Variants in TRDN observed in about 807,000 individuals in gnomAD.
The protein encoded by TRDN is triadin.
Under a neutral mutation model 149.7 loss-of-function variants are expected in TRDN, and 161 were observed. That is an observed-to-expected ratio of 1.08 (90% CI 0.95 to 1.23). The LOEUF is 1.23. TRDN is among the 50% of genes most tolerant of loss of function. The pLI is 0.00. For synonymous variants in TRDN, 294 were observed against 250.5 expected (o/e 1.17, Z -1.64); for missense variants, 896 against 823.5 (o/e 1.09, Z -1.08).
At chr6:123,393,543 T>C in intron 13 of TRDN, 81 bp downstream of exon 13, 1 of 1,325,070 alleles carries the variant, frequency 7.5e-7, no homozygotes, top group Non-Finnish European at 1.0e-6. Context: ...TATTCTGCAA[T>C]AAACAGCTTT....
chr6:123,516,159 C>T lies in TRDN; in HGVS notation c.532G>A (p.Glu178Lys), dbSNP rs1779401589. 6.7e-7 allele frequency: 1 copy of T among 1,490,972 alleles called. No homozygotes were observed. 92.4% of individuals were successfully genotyped at this position (1,490,972 alleles called of 1,614,324 possible). Residue 178 changes from glutamate (E) to lysine (K), a missense_variant, in exon 6 of 41, where the codon GAA becomes AAA. By Grantham distance (56) the Glu-to-Lys change is moderately conservative. Transcript: ENST00000334268. ...EKGKEKVREK[E>K]KPEKKATHKE... ...TTCATACCTTTCTTTTCAGGTTTTT[C>T]TTTTTCTCTTACTTTTTCTTTTCCT... is the stretch of plus-strand genomic sequence containing the variant.
Position 123,592,926 on chromosome 6 carries a change from ACTTT to A in TRDN, c.23-21798_23-21795del, listed in dbSNP as rs566825507. On this transcript the variant is annotated intron_variant, in intron 1 of 40. Coordinates refer to ENST00000334268, the MANE Select transcript of TRDN (RefSeq NM_006073.4). ...ATCATTTTTTTCTTGCATAAAAATC[ACTTT>A]CTTTTTTAATCTGATAACAACAGGG... Among the ~76,000 whole-genome samples, 322 of 152,286 alleles carry A rather than the reference ACTTT, an allele frequency of 2.1e-3. 3 individuals are homozygous for A. The highest frequency in any genetic ancestry group is 7.6e-3 in the African/African-American group (315 of 41,584).
chr6:123,517,118 T>G (rs1300181393), intron 5 of TRDN, among the ~76,000 whole-genome samples: 2 of 152,136 alleles, frequency 1.3e-5, no homozygotes, highest in African/African-American at 4.8e-5. Context: ...GGTGGGTAAC[T>G]GCAGGGAGTC....
chr6:123,366,554 G>T (rs1417412222), intron 19 of TRDN, among the ~76,000 whole-genome samples: 1 of 151,796 alleles, frequency 6.6e-6, no homozygotes, highest in African/African-American at 2.4e-5. Flanking sequence ...ATTGGCTCTT[G>T]TTGCCCAGGC....
At chr6:123,564,453 A>G (rs573359324) in intron 2 of TRDN, among the ~76,000 whole-genome samples, 9 of 152,260 alleles carry the variant, frequency 5.9e-5, no homozygotes, top group South Asian at 4.1e-4. Flanking sequence ...GTACTTTCTG[A>G]CTGACTTTGG....
intron 8 of TRDN, among the ~76,000 whole-genome samples, chr6:123,499,719 A>AAT (rs71272328): frequency 0.01 from 490 of 47,594 alleles, 64 homozygotes; most frequent in African/African-American, 0.017. Flanking sequence ...AAAAAAAAAA[A>AAT]ATATATATAT....
chr6:123,431,426 T>C (rs1774338839), intron 12 of TRDN, among the ~76,000 whole-genome samples: 1 of 152,178 alleles, frequency 6.6e-6, no homozygotes, highest in Non-Finnish European at 1.5e-5. Context: ...AACTCCTGGA[T>C]TACTATCAAA....
intron 33 of TRDN, among the ~76,000 whole-genome samples, chr6:123,262,757 A>C (rs760306824): frequency 6.6e-6 from 1 of 151,926 alleles, no homozygotes; most frequent in Non-Finnish European, 1.5e-5. Context: ...TTTCATTATT[A>C]TTACATCTGT....
intron 7 of TRDN, among the ~76,000 whole-genome samples, chr6:123,511,641 C>G (rs188020679): frequency 6.6e-6 from 1 of 151,984 alleles, no homozygotes; most frequent in Non-Finnish European, 1.5e-5. Flanking sequence ...TAAAATAACA[C>G]CCATTTATTA....
intron 20 of TRDN, among the ~76,000 whole-genome samples, chr6:123,358,484 T>A (rs1379190761): frequency 2.0e-5 from 3 of 152,016 alleles, no homozygotes; most frequent in Admixed American, 6.6e-5. Context: ...TTTTTTTTTT[T>A]ATGGAGTTTT....
chr6:123,284,098 T>C (rs886441050), intron 24 of TRDN, among the ~76,000 whole-genome samples: 15 of 109,452 alleles, frequency 1.4e-4, no homozygotes, highest in African/African-American at 5.3e-4. Flanking sequence ...CCCCCAAAAA[T>C]TGGTACCAAT....
At chr6:123,346,091 C>T (rs1780236485) in intron 21 of TRDN, among the ~76,000 whole-genome samples, 1 of 152,044 alleles carries the variant, frequency 6.6e-6, no homozygotes, top group African/African-American at 2.4e-5. Flanking sequence ...AAGCGAACAT[C>T]CTTGCCGTGT....
chr6:123,362,330 C>A (rs1221229770), intron 20 of TRDN, among the ~76,000 whole-genome samples: 2 of 152,098 alleles, frequency 1.3e-5, no homozygotes, highest in Non-Finnish European at 2.9e-5. Flanking sequence ...TAGTTACTCT[C>A]CCTAAAGCAT....
chr6:123,446,166 C>T (rs1287091055), intron 10 of TRDN, among the ~76,000 whole-genome samples: 1 of 148,356 alleles, frequency 6.7e-6, no homozygotes, highest in Non-Finnish European at 1.5e-5. Context: ...TATTCTCACT[C>T]ATAGGTGGGA....
In TRDN at chr6:123,301,774, TATATATATATATAC is replaced by T. The variant is rs1562252322; in HGVS notation, c.1510+14669_1510+14682del. On this transcript the variant is annotated intron_variant, in intron 24 of 40. Transcript: ENST00000334268. ...ATACATATATATATATATATACATA[TATATATATATATAC>T]ATAAATGAAAATATCTGGTGGTTAT... 9.6e-4 allele frequency among the ~76,000 whole-genome samples: 133 copies of T among 138,658 alleles called. 2 individuals are homozygous for T. The highest frequency in any genetic ancestry group is 2.2e-3 in the South Asian group (10 of 4,522). The allele number at this position is 138,658 out of a possible 152,430, so 91.0% of individuals were successfully genotyped here.
Position 123,218,362 on chromosome 6 carries a change from A to G in TRDN, c.*239T>C. 1 of 415,110 alleles carries G rather than the reference A, an allele frequency of 2.4e-6. No homozygotes were observed. The allele number at this position is 415,110 out of a possible 1,614,324, so 25.7% of individuals were successfully genotyped here. A position where few individuals can be genotyped will look rare whatever the true frequency, so the allele number is the denominator to read the frequency against. On this transcript the variant is annotated 3_prime_UTR_variant, in exon 41 of 41. Coordinates refer to ENST00000334268, the MANE Select transcript of TRDN (RefSeq NM_006073.4). ...TATAGTGACTGGAAATAAGATAAAT[A>G]CAAGCACCCCCTCCCACCGCAGCAA...
At chr6:123,624,583 C>T (rs1347179507) in intron 1 of TRDN, among the ~76,000 whole-genome samples, 1 of 152,142 alleles carries the variant, frequency 6.6e-6, no homozygotes, top group African/African-American at 2.4e-5. Flanking sequence ...GCTTTTACAG[C>T]AACTCTTGAC....
intron 7 of TRDN, among the ~76,000 whole-genome samples, chr6:123,510,642 CTTTT>C (rs145396385): frequency 5.1e-5 from 7 of 138,464 alleles, no homozygotes; most frequent in Admixed American, 1.5e-4. Context: ...TGCATGACCA[CTTTT>C]TTTTTTTTTT....
At chr6:123,287,902 T>A (rs1777857508) in intron 24 of TRDN, among the ~76,000 whole-genome samples, 1 of 152,078 alleles carries the variant, frequency 6.6e-6, no homozygotes, top group Non-Finnish European at 1.5e-5. Context: ...CACACCCATA[T>A]ATGTTTATTG....
Sources: allele counts gnomAD v4.1 joint callset (sites outside exome capture counted in the v4.1 genomes callset), GRCh38; gene constraint gnomAD v4.1.1; transcripts MANE v1.5; gene names NCBI Gene and HGNC (gene_info 2026-07-23, HGNC 2026-07-21).